Variants in RHCE observed in about 807,000 individuals in gnomAD.
The protein encoded by RHCE is blood group Rh(CE) polypeptide.
In RHCE, 22 loss-of-function variants were observed where a neutral mutation model predicts 43.8. The observed-to-expected ratio is 0.50, with a 90% CI of 0.36 to 0.72. The LOEUF (loss-of-function observed/expected upper bound fraction) is 0.72, where lower values mean the gene tolerates loss of function less well. Ranked by LOEUF, RHCE falls within the 30% of genes least tolerant of loss-of-function variation. RHCE has a pLI of 0.00. For missense variants in RHCE, 385 were observed against 525.4 expected (o/e 0.73, Z 2.61); for synonymous variants, 156 against 210.7 (o/e 0.74, Z 2.25).
intron 5 of RHCE, among the ~76,000 whole-genome samples, chr1:25,390,041 C>G (rs1011457243): frequency 6.6e-6 from 1 of 152,084 alleles, no homozygotes; most frequent in Non-Finnish European, 1.5e-5. Flanking sequence ...CCAGCCCCCC[C>G]AGTGCCTCCC....
intron 9 of RHCE, among the ~76,000 whole-genome samples, chr1:25,369,471 G>A (rs1181885282): frequency 1.3e-5 from 2 of 151,644 alleles, no homozygotes; most frequent in African/African-American, 4.9e-5. Context: ...CGTGAACTAT[G>A]AGTGTAGGTC....
exon 1 of RHCE, chr1:25,430,190 C>T (rs774524941): frequency 6.6e-6 from 1 of 152,020 alleles, no homozygotes; most frequent in African/African-American, 2.4e-5. Context: ...ACGCCCCGGG[C>T]ATCTCTGCGC....
chr1:25,412,830 G>A (rs921036153), intron 1 of RHCE, among the ~76,000 whole-genome samples: 4 of 150,574 alleles, frequency 2.7e-5, no homozygotes, highest in African/African-American at 9.7e-5. Flanking sequence ...TTTGAGACCA[G>A]CCTGGCCAAC....
intron 2 of RHCE, among the ~76,000 whole-genome samples, chr1:25,425,938 C>T (rs2042802450): frequency 6.6e-6 from 1 of 152,220 alleles, no homozygotes; most frequent in Non-Finnish European, 1.5e-5. Context: ...ATTTAACACA[C>T]ATGAGCTTTG....
At chr1:25,429,217 G>C (rs1454992029) in intron 1 of RHCE, among the ~76,000 whole-genome samples, 1 of 137,766 alleles carries the variant, frequency 7.3e-6, no homozygotes, top group African/African-American at 2.9e-5. Context: ...CTACTTCCTG[G>C]GAAGTTTTTT....
intron 2 of RHCE, among the ~76,000 whole-genome samples, chr1:25,406,604 C>T (rs1364526692): frequency 8.9e-6 from 1 of 112,146 alleles, no homozygotes; most frequent in Non-Finnish European, 2.0e-5. Flanking sequence ...TGAACCACCG[C>T]GCCTGGCCTA....
At chr1:25,394,405 A>G (rs1289904843) in intron 3 of RHCE, among the ~76,000 whole-genome samples, 1 of 151,582 alleles carries the variant, frequency 6.6e-6, no homozygotes, top group African/African-American at 2.4e-5. Context: ...TGGCTTGTGC[A>G]CTCGTTACCT....
rs1645423125 is a variant in RHCE, at chr1:25,362,339, TATTAA to T, written c.*183_*187del. On this transcript the variant is annotated 3_prime_UTR_variant, in exon 10 of 10. Coordinates refer to ENST00000294413, the MANE Select transcript of RHCE (RefSeq NM_020485.8). Reference sequence around the variant, plus strand: ...TGAAACTAAACATTTATTTTAAACTTATTAAATTGACTCTTAAACTAAGTTTTTAG... The same window carrying T: ...TGAAACTAAACATTTATTTTAAACTTATTGACTCTTAAACTAAGTTTTTAG... 4 of 1,305,032 alleles carry T rather than the reference TATTAA, an allele frequency of 3.1e-6. No individual in the cohort carries two copies. Among genetic ancestry groups the T allele is most frequent in the Non-Finnish European group, 3.2e-6 (3 of 940,474 alleles). 80.8% of individuals were successfully genotyped at this position (1,305,032 alleles called of 1,614,324 possible). A position where few individuals can be genotyped will look rare whatever the true frequency, so the allele number is the denominator to read the frequency against.
At chr1:25,386,633 C>A (rs1159480245) in intron 6 of RHCE, among the ~76,000 whole-genome samples, 1 of 152,146 alleles carries the variant, frequency 6.6e-6, no homozygotes, top group East Asian at 1.9e-4. Flanking sequence ...CCAGCATGGC[C>A]AACATGGCGA....
intron 6 of RHCE, among the ~76,000 whole-genome samples, chr1:25,386,953 C>G (rs950156949): frequency 1.3e-5 from 2 of 152,270 alleles, no homozygotes; most frequent in African/African-American, 4.8e-5. Context: ...ATCACTTGAA[C>G]CCAGGAGGTG....
chr1:25,426,331 G>T (rs1358838589), intron 2 of RHCE, among the ~76,000 whole-genome samples: 6 of 152,072 alleles, frequency 3.9e-5, no homozygotes, highest in African/African-American at 1.4e-4. Context: ...TACAAAAATG[G>T]GATTACACAG....
intron 8 of RHCE, among the ~76,000 whole-genome samples, chr1:25,371,562 G>A (rs750616966): frequency 2.0e-5 from 3 of 151,126 alleles, no homozygotes; most frequent in South Asian, 2.1e-4. Flanking sequence ...TTGCAGAGAC[G>A]GGGTTTAGCC....
chr1:25,428,839 G>A (rs2042824958), intron 2 of RHCE: 1 of 152,328 alleles, frequency 6.6e-6, no homozygotes, highest in South Asian at 2.1e-4. Context: ...CCTTGCCTAA[G>A]AAACCACACA....
rs1275345474 is a variant in RHCE at position 25,393,124 on chromosome 1, T to C, written c.487-983A>G. ...CTTCATAACTTATTTAGTGGGCTACTGGAGAAAGCTGTCAGCTGTGCTTTC... is the reference window on the plus strand; with the variant it reads ...CTTCATAACTTATTTAGTGGGCTACCGGAGAAAGCTGTCAGCTGTGCTTTC... On this transcript the variant is annotated intron_variant, in intron 3 of 9. Coordinates refer to ENST00000294413, the MANE Select transcript of RHCE (RefSeq NM_020485.8). Among the ~76,000 whole-genome samples, 4 of 152,228 alleles carry C rather than the reference T, an allele frequency of 2.6e-5. No individual in the cohort carries two copies. In the East Asian group the frequency reaches 7.7e-4, roughly 29 times the overall value.
At chr1:25,391,239 C>T (rs1270712441) in intron 4 of RHCE, among the ~76,000 whole-genome samples, 3 of 152,076 alleles carry the variant, frequency 2.0e-5, no homozygotes, top group African/African-American at 4.8e-5. Context: ...GGCTGGAGTG[C>T]AGTGGCGCGA....
Position 25,390,766 on chromosome 1 carries a change from G to T in RHCE, c.784C>A (p.Gln262Lys). ...AISGSSLAHP[Q>K]RKISMTYVHS... is the part of the protein sequence containing the mutation. The stretch of plus-strand genomic sequence containing the variant: ...CTGCTCACCATGCTGATCTTCCTTT[G>T]GGGGTGAGCCAAGGATGACCCTGAG... Residue 262 changes from glutamine (Q) to lysine (K), a missense_variant, in exon 5 of 10, where the codon CAA becomes AAA. This residue lies in a region of RHCE where 56 missense variants were observed against 90.0 expected (regional missense o/e 0.62). Transcript: ENST00000294413. 6.2e-7 allele frequency: 1 copy of T among 1,614,226 alleles called. No homozygotes were observed. Among genetic ancestry groups the T allele is most frequent in the Non-Finnish European group, 8.5e-7 (1 of 1,180,038 alleles).
Position 25,385,710 on chromosome 1 carries a change from C to T in RHCE, c.1073+1G>A, listed in dbSNP as rs1405100384. 1.2e-6 allele frequency: 2 copies of T among 1,614,032 alleles called. No homozygotes were observed. The highest frequency in any genetic ancestry group is 4.5e-5 in the East Asian group (2 of 44,848). The stretch of plus-strand genomic sequence containing the variant: ...GATGGGGGGTAAGCCCAGTGACCCA[C>T]ATGCCATTGCCGTTCCAGACAGTAT... On this transcript the variant is annotated splice_donor_variant, in intron 7 of 9. Transcript: ENST00000294413. LOFTEE classifies it high-confidence loss of function.
intron 8 of RHCE, among the ~76,000 whole-genome samples, chr1:25,370,883 A>C (rs1239005637): frequency 1.3e-5 from 2 of 148,800 alleles, no homozygotes; most frequent in East Asian, 2.0e-4. Flanking sequence ...CAAGTAGCTA[A>C]GATTATAGGC....
intron 1 of RHCE, among the ~76,000 whole-genome samples, chr1:25,414,731 C>T (rs1218666887): frequency 2.6e-5 from 4 of 152,032 alleles, no homozygotes; most frequent in South Asian, 2.1e-4. Context: ...GCCTGGTAGG[C>T]GATTGTTACA....
Sources: allele counts gnomAD v4.1 joint callset (sites outside exome capture counted in the v4.1 genomes callset), GRCh38; gene constraint gnomAD v4.1.1; regional missense constraint gnomAD v4.1.1; transcripts MANE v1.5; gene names NCBI Gene and HGNC (gene_info 2026-07-23, HGNC 2026-07-21).